CHSY3: variants seen among roughly 807,000 people sequenced by gnomAD.
The protein encoded by CHSY3 is chondroitin sulfate synthase 3, also known as N-acetylgalactosaminyl-proteoglycan 3-beta-glucuronosyltransferase 3.
Under a neutral mutation model 67.2 loss-of-function variants are expected in CHSY3, and 35 were observed. The ratio of observed to expected loss-of-function variants is 0.52; its 90% CI spans 0.40 to 0.69. The LOEUF (loss-of-function observed/expected upper bound fraction) is 0.69, where lower values mean the gene tolerates loss of function less well. Among genes scored for constraint, CHSY3 ranks in the 30% least tolerant of loss-of-function variants. CHSY3 has a pLI of 0.00. For missense variants in CHSY3, 1,069 were observed against 1,138.5 expected (o/e 0.94, Z 0.88); for synonymous variants, 474 against 434.7 (o/e 1.09, Z -1.12).
intron 2 of CHSY3, among the ~76,000 whole-genome samples, chr5:130,060,306 A>T (rs930858177): frequency 2.0e-5 from 3 of 152,198 alleles, no homozygotes; most frequent in Non-Finnish European, 4.4e-5. Context: ...AGCCGTACAA[A>T]CAAAAACCAT....
intron 2 of CHSY3, among the ~76,000 whole-genome samples, chr5:130,084,635 A>G (rs1325045065): frequency 1.4e-5 from 2 of 145,270 alleles, no homozygotes; most frequent in African/African-American, 2.8e-5. Context: ...CAAAAGAATA[A>G]TTAATCTTTT....
chr5:130,020,440 TATATATATATATA>T (rs1764339309), intron 2 of CHSY3, among the ~76,000 whole-genome samples: 15 of 18,166 alleles, frequency 8.3e-4, no homozygotes, highest in African/African-American at 1.5e-3. Context: ...TATATATATA[TATATATATATATA>T]TATATATATT....
At chr5:130,020,637 A>G (rs1764364008) in intron 2 of CHSY3, among the ~76,000 whole-genome samples, 4 of 151,564 alleles carry the variant, frequency 2.6e-5, no homozygotes, top group Admixed American at 6.6e-5. Flanking sequence ...TGCATATTAA[A>G]AATGTGAGTT....
intron 2 of CHSY3, among the ~76,000 whole-genome samples, chr5:130,051,489 C>T (rs1210995761): frequency 3.3e-5 from 5 of 151,876 alleles, no homozygotes; most frequent in Non-Finnish European, 7.4e-5. Context: ...AGTTATTACA[C>T]GCTAGGGAAG....
At chr5:130,042,850 C>T (rs1204059336) in intron 2 of CHSY3, among the ~76,000 whole-genome samples, 4 of 152,002 alleles carry the variant, frequency 2.6e-5, no homozygotes, top group Non-Finnish European at 5.9e-5. Context: ...TTACCTAACC[C>T]TCATTAGTAT....
chr5:130,049,912 GAC>G (rs1182977513), intron 2 of CHSY3, among the ~76,000 whole-genome samples: 1 of 151,890 alleles, frequency 6.6e-6, no homozygotes, highest in Non-Finnish European at 1.5e-5. Context: ...CTTTTCATGA[GAC>G]AGCAAAATTT....
At chr5:129,929,566 TA>T in intron 2 of CHSY3, among the ~76,000 whole-genome samples, 1 of 152,292 alleles carries the variant, frequency 6.6e-6, no homozygotes, top group East Asian at 1.9e-4. Context: ...GTGATTAGTG[TA>T]GGTTAGAATG....
At chr5:130,120,481 T>G (rs1262645330) in intron 2 of CHSY3, among the ~76,000 whole-genome samples, 1 of 106,890 alleles carries the variant, frequency 9.4e-6, no homozygotes, top group Admixed American at 1.1e-4. Context: ...TGCCAATTTC[T>G]GAAAGAAAAA....
intron 2 of CHSY3, among the ~76,000 whole-genome samples, chr5:130,077,504 C>G (rs1167343107): frequency 6.6e-6 from 1 of 152,004 alleles, no homozygotes. Context: ...GACGTTGGAC[C>G]GCTAATATCC....
intron 2 of CHSY3, among the ~76,000 whole-genome samples, chr5:130,098,334 G>C (rs976116358): frequency 6.6e-6 from 1 of 152,086 alleles, no homozygotes. Context: ...CCTATAACTT[G>C]GAAGGTATAC....
At chr5:130,021,571 C>T (rs187901928) in intron 2 of CHSY3, among the ~76,000 whole-genome samples, 294 of 151,412 alleles carry the variant, frequency 1.9e-3, no homozygotes, top group African/African-American at 3.8e-3. Context: ...TCTTTTTTTT[C>T]CCCCGTCTCA....
chr5:130,124,828 C>T (rs1284742435), intron 2 of CHSY3, among the ~76,000 whole-genome samples: 1 of 152,074 alleles, frequency 6.6e-6, no homozygotes, highest in Non-Finnish European at 1.5e-5. Context: ...TGCACATGTA[C>T]CCCAGAACTG....
chr5:130,106,972 A>C (rs187767467), intron 2 of CHSY3, among the ~76,000 whole-genome samples: 143 of 151,672 alleles, frequency 9.4e-4, no homozygotes, highest in African/African-American at 3.4e-3. Flanking sequence ...TGAAGAGTTG[A>C]GAATGAATGA....
chr5:130,015,913 T>G (rs55677632), intron 2 of CHSY3, among the ~76,000 whole-genome samples: 4,985 of 152,266 alleles, frequency 0.033, 269 homozygotes, highest in African/African-American at 0.11. Flanking sequence ...TAAAAATGAA[T>G]GAAATCATGT....
chr5:129,913,501 G>A (rs1760636115), intron 2 of CHSY3, among the ~76,000 whole-genome samples: 1 of 152,086 alleles, frequency 6.6e-6, no homozygotes, highest in African/African-American at 2.4e-5. Context: ...TATTCTCACT[G>A]TTAAAAATTA....
At position 129,904,569 on chromosome 5, in the gene CHSY3, C is replaced by A; in HGVS notation, c.-261C>A. 1 of 426,462 alleles carries A rather than the reference C, an allele frequency of 2.3e-6. No individual in the cohort carries two copies. The allele number at this position is 426,462 out of a possible 1,614,324, so 26.4% of individuals were successfully genotyped here. A position where few individuals can be genotyped will look rare whatever the true frequency, so the allele number is the denominator to read the frequency against. Reference sequence around the variant, plus strand: ...GCCGCTGCTGCCGCCGCTGCCGCCACCGCCGCCGCCGGGAGAAGTTTCACT... The same window carrying A: ...GCCGCTGCTGCCGCCGCTGCCGCCAACGCCGCCGCCGGGAGAAGTTTCACT... On this transcript the variant is annotated 5_prime_UTR_variant, in exon 1 of 3. Transcript: ENST00000305031.
chr5:130,011,376 G>A lies in CHSY3; in HGVS notation c.1086+103016G>A, dbSNP rs575632111. Among the ~76,000 whole-genome samples, 4 of 152,162 alleles carry A rather than the reference G, an allele frequency of 2.6e-5. No individual in the cohort carries two copies. The South Asian group carries it at 8.3e-4, about 32-fold the overall frequency. On this transcript the variant is annotated intron_variant, in intron 2 of 2. Coordinates refer to ENST00000305031, the MANE Select transcript of CHSY3 (RefSeq NM_175856.5). Reference sequence around the variant, plus strand: ...AAACGGAACTAAAAACAAACACCACGTGGTCATCCCAATAGATGCTGAAAA... The same window carrying A: ...AAACGGAACTAAAAACAAACACCACATGGTCATCCCAATAGATGCTGAAAA...
chr5:130,068,669 G>GA (rs1218430173), intron 2 of CHSY3, among the ~76,000 whole-genome samples: 1 of 152,074 alleles, frequency 6.6e-6, no homozygotes, highest in Non-Finnish European at 1.5e-5. Context: ...AATTCCTTAT[G>GA]AAAAACACCA....
At chr5:129,917,243 A>T (rs1760758214) in intron 2 of CHSY3, among the ~76,000 whole-genome samples, 1 of 152,146 alleles carries the variant, frequency 6.6e-6, no homozygotes, top group African/African-American at 2.4e-5. Context: ...CAGCCCTCAT[A>T]TCTGAGGTGC....
Sources: allele counts gnomAD v4.1 joint callset (sites outside exome capture counted in the v4.1 genomes callset), GRCh38; gene constraint gnomAD v4.1.1; transcripts MANE v1.5; gene names NCBI Gene and HGNC (gene_info 2026-07-23, HGNC 2026-07-21).